Variants in LYPD6B observed in about 807,000 individuals in gnomAD.
The protein encoded by LYPD6B is LY6/PLAUR domain containing 6B.
A neutral mutation model predicts 22.8 loss-of-function variants in LYPD6B; 17 were observed. The ratio of observed to expected loss-of-function variants is 0.75; its 90% CI spans 0.51 to 1.12. The LOEUF (loss-of-function observed/expected upper bound fraction) is 1.12, where lower values mean the gene tolerates loss of function less well. Among genes scored for constraint, LYPD6B ranks in the 50% most tolerant of loss-of-function variants. LYPD6B has a pLI of 0.00. For synonymous variants in LYPD6B, 106 were observed against 91.6 expected (o/e 1.16, Z -0.90); for missense variants, 221 against 258.3 (o/e 0.86, Z 0.99).
chr2:149,072,822 G>C (rs1172338394), intron 1 of LYPD6B, among the ~76,000 whole-genome samples: 1 of 152,064 alleles, frequency 6.6e-6, no homozygotes, highest in Non-Finnish European at 1.5e-5. Flanking sequence ...CAGGTTTGAG[G>C]CACCATGCCT....
At chr2:149,115,864 G>A (rs1686980797) in intron 1 of LYPD6B, among the ~76,000 whole-genome samples, 1 of 152,214 alleles carries the variant, frequency 6.6e-6, no homozygotes, top group South Asian at 2.1e-4. Flanking sequence ...ATTTATAAAT[G>A]TTAAATTGTA....
chr2:149,174,311 G>A (rs1415132543), intron 3 of LYPD6B, among the ~76,000 whole-genome samples: 2 of 152,072 alleles, frequency 1.3e-5, no homozygotes, highest in Non-Finnish European at 2.9e-5. Context: ...TCTAGAAAAA[G>A]GATTGTGTCA....
At chr2:149,214,212 CTGAG>C (rs1290556790) in intron 6 of LYPD6B, among the ~76,000 whole-genome samples, 2 of 152,174 alleles carry the variant, frequency 1.3e-5, no homozygotes, top group African/African-American at 4.8e-5. Context: ...TCATTTTTGT[CTGAG>C]TGTTTTCCCT....
At chr2:149,128,514 G>A (rs1018146441) in intron 1 of LYPD6B, among the ~76,000 whole-genome samples, 4 of 152,224 alleles carry the variant, frequency 2.6e-5, no homozygotes, top group Non-Finnish European at 4.4e-5. Context: ...TCACAAGGAT[G>A]GAAGTTGGAG....
intron 1 of LYPD6B, among the ~76,000 whole-genome samples, chr2:149,062,685 C>T (rs1263854526): frequency 6.6e-6 from 1 of 151,696 alleles, no homozygotes; most frequent in African/African-American, 2.4e-5. Context: ...CTTAAAGGTG[C>T]AATGTTATTT....
chr2:149,141,425 C>T (rs75744662), intron 2 of LYPD6B, among the ~76,000 whole-genome samples: 1 of 152,010 alleles, frequency 6.6e-6, no homozygotes, highest in African/African-American at 2.4e-5. Context: ...TCATTTTGTT[C>T]TGTTATTCTG....
At chr2:149,168,865 C>G (rs1335341802) in intron 3 of LYPD6B, among the ~76,000 whole-genome samples, 1 of 152,118 alleles carries the variant, frequency 6.6e-6, no homozygotes, top group Non-Finnish European at 1.5e-5. Flanking sequence ...ACTTTGGGGC[C>G]TTAGCAGTAT....
intron 3 of LYPD6B, among the ~76,000 whole-genome samples, chr2:149,195,402 T>C (rs115515177): frequency 1.9e-3 from 283 of 152,284 alleles, no homozygotes; most frequent in African/African-American, 6.6e-3. Flanking sequence ...AAAACAATGA[T>C]ACGAATGAAA....
chr2:149,192,183 C>T (rs116192105), intron 3 of LYPD6B, among the ~76,000 whole-genome samples: 208 of 152,226 alleles, frequency 1.4e-3, no homozygotes, highest in Non-Finnish European at 2.5e-3. Flanking sequence ...CCTCTGAAGA[C>T]GTTAGAGTTA....
chr2:149,046,814 A>G (rs60612973), intron 1 of LYPD6B, among the ~76,000 whole-genome samples: 1,678 of 152,136 alleles, frequency 0.011, 29 homozygotes, highest in African/African-American at 0.036. Context: ...TGCTATTGTT[A>G]TTATCATTTT....
intron 2 of LYPD6B, among the ~76,000 whole-genome samples, chr2:149,160,290 T>A (rs1169256236): frequency 6.6e-6 from 1 of 152,186 alleles, no homozygotes; most frequent in Non-Finnish European, 1.5e-5. Context: ...GGTTCAAGAC[T>A]CATGTTGTCA....
chr2:149,175,061 C>CTCTGTGTGTGTGTG (rs1454802925), intron 3 of LYPD6B, among the ~76,000 whole-genome samples: 1 of 112,996 alleles, frequency 8.8e-6, no homozygotes, highest in African/African-American at 3.2e-5. Context: ...CTCTCTCTCT[C>CTCTGTGTGTGTGTG]TGTGTGTGTG....
intron 2 of LYPD6B, among the ~76,000 whole-genome samples, chr2:149,159,491 A>G (rs748255929): frequency 6.6e-5 from 10 of 151,982 alleles, no homozygotes; most frequent in Admixed American, 6.6e-5. Flanking sequence ...CATAGTATAT[A>G]TGTTTTGTAA....
intron 3 of LYPD6B, chr2:149,200,670 C>T (rs1693093987): frequency 6.6e-6 from 1 of 152,192 alleles, no homozygotes; most frequent in African/African-American, 2.4e-5. Context: ...CGAGCTCAGA[C>T]TTGGGAAATA....
chr2:149,068,698 G>T, intron 1 of LYPD6B: 2 of 550,324 alleles, frequency 3.6e-6, no homozygotes, highest in South Asian at 2.8e-5. Flanking sequence ...GCATGCATTT[G>T]ACTTCACACT....
chr2:149,052,600 C>T (rs944161247), intron 1 of LYPD6B, among the ~76,000 whole-genome samples: 2 of 152,158 alleles, frequency 1.3e-5, no homozygotes, highest in Non-Finnish European at 2.9e-5. Flanking sequence ...GGGCTACTCC[C>T]TATTCCCCAC....
chr2:149,175,061 C>CTCTGTGTGTGTG (rs1454802925), intron 3 of LYPD6B, among the ~76,000 whole-genome samples: 99 of 113,062 alleles, frequency 8.8e-4, no homozygotes, highest in African/African-American at 2.9e-3. Context: ...CTCTCTCTCT[C>CTCTGTGTGTGTG]TGTGTGTGTG....
At chr2:149,190,279 C>T (rs1184802002) in intron 3 of LYPD6B, among the ~76,000 whole-genome samples, 3 of 151,930 alleles carry the variant, frequency 2.0e-5, no homozygotes, top group Non-Finnish European at 4.4e-5. Flanking sequence ...TGTGCACGCA[C>T]GTGCGTGTGT....
chr2:149,063,981 C>A (rs1684211914), intron 1 of LYPD6B, among the ~76,000 whole-genome samples: 1 of 152,104 alleles, frequency 6.6e-6, no homozygotes, highest in African/African-American at 2.4e-5. Flanking sequence ...AACTCAAATG[C>A]AGAAGAAAAG....
Sources: gnomAD v4.1 joint callset for allele counts (sites outside exome capture counted in the v4.1 genomes callset) on GRCh38, gnomAD v4.1.1 for gene constraint, MANE v1.5 for transcripts, NCBI Gene and HGNC (gene_info 2026-07-23, HGNC 2026-07-21) for gene names.